The following PARD3B variants were observed in gnomAD, a reference collection of about 807,000 sequenced individuals.
The protein encoded by PARD3B is partitioning defective 3 homolog B.
Under a neutral mutation model 130.2 loss-of-function variants are expected in PARD3B, and 103 were observed. The observed-to-expected ratio is 0.79, with a 90% confidence interval of 0.67 to 0.93. The LOEUF is 0.93. Among genes scored for constraint, PARD3B ranks in the 40% least tolerant of loss-of-function variants. PARD3B has a pLI of 0.00. For missense variants in PARD3B, 1,609 were observed against 1,499.2 expected (o/e 1.07, Z -1.21); for synonymous variants, 583 against 553.2 (o/e 1.05, Z -0.76).
intron 2 of PARD3B, among the ~76,000 whole-genome samples, chr2:204,937,065 A>T (rs374258854): frequency 2.2e-4 from 34 of 152,370 alleles, no homozygotes; most frequent in South Asian, 1.0e-3. Context: ...AGTAACTTGT[A>T]CAAGGTCACA....
intron 6 of PARD3B, among the ~76,000 whole-genome samples, chr2:205,118,390 C>T (rs2030170623): frequency 6.6e-6 from 1 of 152,208 alleles, no homozygotes; most frequent in East Asian, 1.9e-4. Context: ...CCAACACATA[C>T]TTGATTTGGT....
chr2:204,662,927 G>A (rs1346553929), intron 1 of PARD3B, among the ~76,000 whole-genome samples: 1 of 152,016 alleles, frequency 6.6e-6, no homozygotes, highest in African/African-American at 2.4e-5. Context: ...AAAAACTGCT[G>A]TTCTATTACA....
intron 1 of PARD3B, among the ~76,000 whole-genome samples, chr2:204,629,963 A>G (rs72930266): frequency 0.025 from 3,869 of 152,310 alleles, 107 homozygotes; most frequent in Non-Finnish European, 0.032. Flanking sequence ...ATAAAGTAAG[A>G]TATCTCCAAA....
At chr2:205,540,961 G>A (rs968103412) in intron 21 of PARD3B, among the ~76,000 whole-genome samples, 2 of 152,200 alleles carry the variant, frequency 1.3e-5, no homozygotes, top group African/African-American at 4.8e-5. Flanking sequence ...AATGAGTTCT[G>A]TGTAGATGAA....
chr2:205,203,901 C>T (rs1233131681), intron 15 of PARD3B, among the ~76,000 whole-genome samples: 3 of 152,074 alleles, frequency 2.0e-5, no homozygotes, highest in African/African-American at 2.4e-5. Context: ...TGAATAGTGC[C>T]GCAATAAACA....
chr2:204,661,023 C>T (rs551971099), intron 1 of PARD3B, among the ~76,000 whole-genome samples: 28 of 152,272 alleles, frequency 1.8e-4, no homozygotes, highest in South Asian at 1.5e-3. Flanking sequence ...CCCCAGGGAG[C>T]ACTGCCAGTG....
Position 204,601,873 on chromosome 2 carries a change from A to G in PARD3B, c.120+55754A>G, listed in dbSNP as rs142356131. Among the ~76,000 whole-genome samples, 10 of 152,106 alleles carry G rather than the reference A, an allele frequency of 6.6e-5. 1 individual carries two copies. The East Asian group carries it at 1.9e-3, about 29-fold the overall frequency. Reference sequence around the variant, plus strand: ...TAAGGAATTCTAGGCATTTATAGAAATTTCTCCTTTGTTTAATTACAATGA... The same window carrying G: ...TAAGGAATTCTAGGCATTTATAGAAGTTTCTCCTTTGTTTAATTACAATGA... On this transcript the variant is annotated intron_variant, in intron 1 of 22. Coordinates refer to ENST00000406610, the MANE Select transcript of PARD3B (RefSeq NM_001302769.2).
At chr2:205,175,948 T>A (rs910301936) in intron 12 of PARD3B, among the ~76,000 whole-genome samples, 2 of 152,228 alleles carry the variant, frequency 1.3e-5, no homozygotes, top group African/African-American at 4.8e-5. Context: ...CGGTTTGATT[T>A]AGCTCCTGGC....
chr2:205,150,397 A>G (rs1229281644), intron 10 of PARD3B, among the ~76,000 whole-genome samples: 1 of 151,984 alleles, frequency 6.6e-6, no homozygotes, highest in Non-Finnish European at 1.5e-5. Context: ...AGTACTTTAT[A>G]CCCATTTCCA....
intron 2 of PARD3B, among the ~76,000 whole-genome samples, chr2:204,813,853 A>G (rs961426440): frequency 2.0e-5 from 3 of 152,096 alleles, no homozygotes; most frequent in Non-Finnish European, 2.9e-5. Flanking sequence ...GCTCATGACT[A>G]TCTTGATTAC....
Position 205,145,327 on chromosome 2 carries a change from G to C in PARD3B, c.1435-13395G>C, listed in dbSNP as rs564070059. Among the ~76,000 whole-genome samples, 759 of 128,556 alleles carry C rather than the reference G, an allele frequency of 5.9e-3. 5 individuals are homozygous for C. Among genetic ancestry groups the C allele is most frequent in the African/African-American group, 0.02 (691 of 34,876 alleles). The allele number at this position is 128,556 out of a possible 152,430, so 84.3% of individuals were successfully genotyped here. ...CCCAATCCAACCCTCCGCCGCCCCC[G>C]CAAAAAAAAAAGAGAAAAGAAATTT... is the stretch of plus-strand genomic sequence containing the variant. On this transcript the variant is annotated intron_variant, in intron 10 of 22. Coordinates refer to ENST00000406610, the MANE Select transcript of PARD3B (RefSeq NM_001302769.2).
intron 1 of PARD3B, among the ~76,000 whole-genome samples, chr2:204,552,095 G>T (rs111980618): frequency 0.016 from 2,385 of 152,296 alleles, 68 homozygotes; most frequent in African/African-American, 0.055. Context: ...GGACAGTTCA[G>T]ATCCAATGCT....
intron 19 of PARD3B, among the ~76,000 whole-genome samples, chr2:205,434,139 A>G (rs1233799629): frequency 6.6e-6 from 1 of 152,158 alleles, no homozygotes; most frequent in African/African-American, 2.4e-5. Context: ...AATGTTCTGG[A>G]TGCTCCATAT....
rs1377015803 is a variant in PARD3B at position 205,589,644 on chromosome 2, G to A, written c.3261-25812G>A. 6.6e-6 allele frequency among the ~76,000 whole-genome samples: 1 copy of A among 152,136 alleles called. No individual in the cohort carries two copies. Among genetic ancestry groups the A allele is most frequent in the Admixed American group, 6.5e-5 (1 of 15,282 alleles). ...ATGTTTTCTATTTATATAACTAATT[G>A]CAAATTAATTGCACCCTCACATTGT... On this transcript the variant is annotated intron_variant, in intron 22 of 22. Transcript: ENST00000406610. This position sits in a 1 kb window ranked among gnomAD's most constrained non-coding sequence, Gnocchi z 4.1.
chr2:205,392,515 A>G (rs772521983), intron 18 of PARD3B, among the ~76,000 whole-genome samples: 11 of 152,234 alleles, frequency 7.2e-5, no homozygotes, highest in Non-Finnish European at 1.2e-4. Flanking sequence ...AAACATACCC[A>G]GGATAAATGT....
chr2:205,380,349 TATATAATATATAAAGAATATATATTA>T, intron 18 of PARD3B, among the ~76,000 whole-genome samples: 1 of 26,394 alleles, frequency 3.8e-5, no homozygotes, highest in Non-Finnish European at 6.6e-5. Context: ...GAATATATAA[TATATAATATATAAAGAATATATATTA>T]TATATAATAT....
At chr2:204,894,058 A>T (rs993663115) in intron 2 of PARD3B, among the ~76,000 whole-genome samples, 19 of 151,830 alleles carry the variant, frequency 1.3e-4, no homozygotes, top group African/African-American at 3.9e-4. Flanking sequence ...TTTTAGTTAA[A>T]AAAAAAAAAA....
rs1381141784 is a variant in PARD3B at position 205,142,728 on chromosome 2, A to C, written c.1435-15994A>C. Among the ~76,000 whole-genome samples the C allele has an allele frequency of 6.6e-6, 1 of 151,928 alleles. No homozygotes were observed. The highest frequency in any genetic ancestry group is 1.5e-5 in the Non-Finnish European group (1 of 67,992). On this transcript the variant is annotated intron_variant, in intron 10 of 22. Coordinates refer to ENST00000406610, the MANE Select transcript of PARD3B (RefSeq NM_001302769.2). This position sits in a 1 kb window ranked among gnomAD's most constrained non-coding sequence, Gnocchi z 4.3. ...CCCCGTCTCTACTAAAAATACAAAA[A>C]TTAGCCAGGCGTGGTGGTGCGTGCC... is the stretch of plus-strand genomic sequence containing the variant.
intron 2 of PARD3B, among the ~76,000 whole-genome samples, chr2:204,825,331 A>G (rs2043526524): frequency 6.6e-6 from 1 of 152,140 alleles, no homozygotes; most frequent in African/African-American, 2.4e-5. Context: ...GGCTCTCTAG[A>G]GGAAGTGATG....
Sources: allele counts gnomAD v4.1 joint callset (sites outside exome capture counted in the v4.1 genomes callset), GRCh38; gene constraint gnomAD v4.1.1; non-coding constraint Gnocchi (gnomAD v3.1); transcripts MANE v1.5; gene names NCBI Gene and HGNC (gene_info 2026-07-23, HGNC 2026-07-21).